Variants in TENM3 observed in about 807,000 individuals in gnomAD.
TENM3 encodes teneurin transmembrane protein 3.
Under a neutral mutation model 255.1 loss-of-function variants are expected in TENM3, and 63 were observed. The ratio of observed to expected loss-of-function variants is 0.25; its 90% CI spans 0.20 to 0.30. TENM3 has a LOEUF of 0.30. Ranked by LOEUF, TENM3 falls within the 10% of genes least tolerant of loss-of-function variation. TENM3 has a pLI of 1.00. For missense variants in TENM3, 2,929 were observed against 3,461.1 expected, an observed-to-expected ratio of 0.85 and a Z score of 3.86; for synonymous variants, 1,306 against 1,322.3, an observed-to-expected ratio of 0.99 and a Z score of 0.27.
intron 3 of TENM3, among the ~76,000 whole-genome samples, chr4:182,454,411 G>T (rs1037010217): frequency 2.0e-5 from 3 of 152,098 alleles, no homozygotes; most frequent in Non-Finnish European, 2.9e-5. Context: ...AAAAATGAAG[G>T]TGATCAGGTT....
chr4:181,653,828 A>G, the TENM3 span, among the ~76,000 whole-genome samples: 1 of 151,222 alleles, frequency 6.6e-6, no homozygotes. Context: ...AGCCCCACAT[A>G]TATTAGGTAA....
intron 2 of TENM3, among the ~76,000 whole-genome samples, chr4:182,328,397 G>A (rs1300264259): frequency 6.6e-6 from 1 of 152,024 alleles, no homozygotes; most frequent in Non-Finnish European, 1.5e-5. Flanking sequence ...TGTAATTTTA[G>A]TAGAGATGGG....
the TENM3 span, among the ~76,000 whole-genome samples, chr4:181,618,248 G>C: frequency 6.6e-6 from 1 of 152,114 alleles, no homozygotes; most frequent in South Asian, 2.1e-4. Context: ...ACTTACACCA[G>C]TTTCAGTCCT....
chr4:182,760,547 AT>A (rs1450535353), intron 22 of TENM3, among the ~76,000 whole-genome samples: 3 of 149,382 alleles, frequency 2.0e-5, no homozygotes, highest in Non-Finnish European at 4.5e-5. Flanking sequence ...GGTTAGCGAC[AT>A]TTTTTTAAAT....
At chr4:181,661,045 C>A in the TENM3 span, among the ~76,000 whole-genome samples, 2 of 151,992 alleles carry the variant, frequency 1.3e-5, no homozygotes, top group Admixed American at 6.6e-5. Flanking sequence ...TAATTTGGAC[C>A]CCAAACGTAA....
the TENM3 span, among the ~76,000 whole-genome samples, chr4:181,805,986 C>T: frequency 1.3e-5 from 2 of 152,188 alleles, no homozygotes; most frequent in African/African-American, 2.4e-5. Flanking sequence ...AGCCATCCTC[C>T]GATATTTTCA....
chr4:182,093,150 G>A, the TENM3 span, among the ~76,000 whole-genome samples: 4 of 152,114 alleles, frequency 2.6e-5, no homozygotes, highest in Non-Finnish European at 4.4e-5. Context: ...CCATTCCAAA[G>A]ATATCGGTGT....
chr4:182,582,873 T>G (rs1745638324), intron 3 of TENM3, among the ~76,000 whole-genome samples: 1 of 152,144 alleles, frequency 6.6e-6, no homozygotes, highest in Non-Finnish European at 1.5e-5. Flanking sequence ...ACAGAAGTAA[T>G]GAGAATCGCA....
chr4:182,772,132 T>C (rs1326578842), intron 22 of TENM3, among the ~76,000 whole-genome samples: 1 of 152,208 alleles, frequency 6.6e-6, no homozygotes, highest in African/African-American at 2.4e-5. Context: ...TCTCTGTCTT[T>C]ATCACCTAGA....
intron 3 of TENM3, among the ~76,000 whole-genome samples, chr4:182,361,932 G>A (rs1766024939): frequency 2.0e-5 from 3 of 152,172 alleles, no homozygotes; most frequent in Non-Finnish European, 4.4e-5. Context: ...CTTTCCTTCT[G>A]ACAGACAGGA....
chr4:182,041,777 A>G, the TENM3 span, among the ~76,000 whole-genome samples: 2 of 152,192 alleles, frequency 1.3e-5, no homozygotes, highest in African/African-American at 4.8e-5. Context: ...CTCCAGTCTT[A>G]GAGGCTTCTT....
chr4:182,189,200 G>A lies in TENM3; in HGVS notation c.-76+44446G>A, dbSNP rs562833911. Among the ~76,000 whole-genome samples, 6 of 152,006 alleles carry A rather than the reference G, an allele frequency of 3.9e-5. No homozygotes were observed. The South Asian group carries it at 1.3e-3, about 32-fold the overall frequency. The stretch of plus-strand genomic sequence containing the variant: ...ATAAAGTGTAACAGGTGACTTTGAT[G>A]TGTGATTCTTGGTGGCCTTTCTTCT... On this transcript the variant is annotated intron_variant, in intron 1 of 2. Transcript: ENST00000512480.
intron 1 of TENM3, among the ~76,000 whole-genome samples, chr4:182,279,300 A>T (rs1329376333): frequency 6.6e-6 from 1 of 152,204 alleles, no homozygotes; most frequent in African/African-American, 2.4e-5. Flanking sequence ...ATATATGTAT[A>T]TATTAAGAAA....
the TENM3 span, among the ~76,000 whole-genome samples, chr4:181,579,208 G>A: frequency 2.6e-5 from 4 of 151,908 alleles, no homozygotes; most frequent in Non-Finnish European, 5.9e-5. Flanking sequence ...TCAGTTGTGA[G>A]AAACTGAGCC....
Position 182,601,078 on chromosome 4 carries a change from G to A in TENM3, c.666G>A (p.Leu222=). 1 of 1,613,662 alleles carries A rather than the reference G, an allele frequency of 6.2e-7. No homozygotes were observed. The highest frequency in any genetic ancestry group is 8.5e-7 in the Non-Finnish European group (1 of 1,179,828). ...AGAGTCCGGCCCCGCCGGCTGCTTT[G>A]CCCGCCGAGCTGCAAACCACACCCG... ...RNQSPAPPAA[L]PAELQTTPES... Residue 222 remains leucine, a synonymous_variant, in exon 4 of 28, where the codon TTG becomes TTA. Transcript: ENST00000511685.
the TENM3 span, among the ~76,000 whole-genome samples, chr4:181,846,641 T>C: frequency 1.3e-5 from 2 of 152,242 alleles, no homozygotes; most frequent in African/African-American, 2.4e-5. Flanking sequence ...ATTCATTTTT[T>C]TCTTTATTTT....
At chr4:181,559,595 A>G in the TENM3 span, among the ~76,000 whole-genome samples, 64 of 152,382 alleles carry the variant, frequency 4.2e-4, no homozygotes, top group African/African-American at 1.5e-3. Context: ...AATTAATACC[A>G]TGTGAAACAT....
intron 2 of TENM3, among the ~76,000 whole-genome samples, chr4:182,327,585 G>C (rs527405628): frequency 1.3e-5 from 2 of 152,316 alleles, no homozygotes; most frequent in African/African-American, 2.4e-5. Context: ...TATTTAGGTA[G>C]CATAATGCTG....
At chr4:182,423,059 T>C (rs1420165373) in intron 3 of TENM3, among the ~76,000 whole-genome samples, 1 of 152,206 alleles carries the variant, frequency 6.6e-6, no homozygotes, top group Non-Finnish European at 1.5e-5. Flanking sequence ...GGTAGATAGA[T>C]GGTTTTTAAG....
Sources: gnomAD v4.1 joint callset for allele counts (sites outside exome capture counted in the v4.1 genomes callset) on GRCh38, gnomAD v4.1.1 for gene constraint, MANE v1.5 for transcripts, NCBI Gene and HGNC (gene_info 2026-07-23, HGNC 2026-07-21) for gene names.